The following ITFG1 variants were observed in gnomAD, a reference collection of about 807,000 sequenced individuals.
ITFG1 encodes the protein integrin alpha FG-GAP repeat containing 1, also known as T-cell immunomodulatory protein.
Under a neutral mutation model 81.8 loss-of-function variants are expected in ITFG1, and 34 were observed. The observed-to-expected ratio is 0.42, with a 90% CI of 0.32 to 0.55. The LOEUF (loss-of-function observed/expected upper bound fraction) is 0.55, where lower values mean the gene tolerates loss of function less well. ITFG1 is among the 20% of genes least tolerant of loss of function. The pLI is 0.17. For missense variants in ITFG1, 672 were observed against 755.4 expected (o/e 0.89, Z 1.29); for synonymous variants, 285 against 270.6 (o/e 1.05, Z -0.52).
chr16:47,216,390 A>G (rs1965625294), intron 14 of ITFG1, among the ~76,000 whole-genome samples: 1 of 152,288 alleles, frequency 6.6e-6, no homozygotes, highest in South Asian at 2.1e-4. Context: ...CAGTAGAGAC[A>G]GCGTTTCACC....
At chr16:47,348,519 A>G (rs906770740) in intron 8 of ITFG1, among the ~76,000 whole-genome samples, 1 of 152,196 alleles carries the variant, frequency 6.6e-6, no homozygotes, top group African/African-American at 2.4e-5. Context: ...AAAAAAGAAT[A>G]AAAAGAAATG....
chr16:47,166,445 C>T (rs2151508387), intron 14 of ITFG1, among the ~76,000 whole-genome samples: 1 of 152,236 alleles, frequency 6.6e-6, no homozygotes, highest in South Asian at 2.1e-4. Flanking sequence ...TAAATAAACA[C>T]ATTTTAGCAT....
chr16:47,286,098 T>A (rs1390065531), intron 10 of ITFG1, among the ~76,000 whole-genome samples: 1 of 152,054 alleles, frequency 6.6e-6, no homozygotes, highest in Non-Finnish European at 1.5e-5. Flanking sequence ...GGGAAGGAGA[T>A]CTGAGATGGA....
At chr16:47,374,643 C>A (rs901232123) in intron 7 of ITFG1, among the ~76,000 whole-genome samples, 1 of 152,060 alleles carries the variant, frequency 6.6e-6, no homozygotes, top group Non-Finnish European at 1.5e-5. Context: ...GTACGGCAGT[C>A]ATAAAAATAT....
At chr16:47,173,303 G>C (rs979328451) in intron 14 of ITFG1, among the ~76,000 whole-genome samples, 5 of 152,038 alleles carry the variant, frequency 3.3e-5, no homozygotes, top group African/African-American at 1.2e-4. Flanking sequence ...CCTATTGTCT[G>C]TCTTCCCCCA....
intron 14 of ITFG1, among the ~76,000 whole-genome samples, chr16:47,210,385 AC>A (rs1280016832): frequency 6.6e-6 from 1 of 152,120 alleles, no homozygotes. Flanking sequence ...TTTTAATTTG[AC>A]AGTGTGAAGA....
intron 10 of ITFG1, among the ~76,000 whole-genome samples, chr16:47,306,780 C>T (rs1304244396): frequency 1.3e-5 from 2 of 151,846 alleles, no homozygotes; most frequent in African/African-American, 4.8e-5. Flanking sequence ...AACAAAAACA[C>T]AGACATGACT....
At chr16:47,259,746 C>A (rs1167681082) in intron 11 of ITFG1, among the ~76,000 whole-genome samples, 1 of 152,040 alleles carries the variant, frequency 6.6e-6, no homozygotes, top group African/African-American at 2.4e-5. Context: ...GAGCGGTAAA[C>A]TGGCATTTCA....
chr16:47,387,932 T>C (rs935051817), intron 6 of ITFG1, among the ~76,000 whole-genome samples: 4 of 148,256 alleles, frequency 2.7e-5, no homozygotes, highest in African/African-American at 1.0e-4. Flanking sequence ...CCACTACAAA[T>C]ATGTTAAAAA....
intron 10 of ITFG1, among the ~76,000 whole-genome samples, chr16:47,293,210 T>A (rs1328356415): frequency 6.9e-6 from 1 of 144,128 alleles, no homozygotes; most frequent in Non-Finnish European, 1.5e-5. Context: ...CATATATAAA[T>A]ATGATATATA....
At position 47,358,646 on chromosome 16, in the gene ITFG1, T is replaced by C. The variant is rs74709422; in HGVS notation, c.802+7142A>G. ...TCTCAGAAGTTCTGGTTTAGGATTA[T>C]AGTTGAAGGTCTTAATATTTCCTAA... On this transcript the variant is annotated intron_variant, in intron 8 of 17. Transcript: ENST00000320640. Among the ~76,000 whole-genome samples, 783 of 152,360 alleles carry C rather than the reference T, an allele frequency of 5.1e-3. 13 individuals are homozygous for C. In the East Asian group the frequency reaches 0.073, roughly 14 times the overall value.
chr16:47,252,422 A>T (rs1047700054), intron 12 of ITFG1, among the ~76,000 whole-genome samples: 5 of 152,254 alleles, frequency 3.3e-5, no homozygotes, highest in African/African-American at 1.2e-4. Context: ...AACAAAGGTG[A>T]AGATACTGTT....
Position 47,321,218 on chromosome 16 carries a change from C to G in ITFG1, c.803-7395G>C, listed in dbSNP as rs183750915. On this transcript the variant is annotated intron_variant, in intron 8 of 17. Transcript: ENST00000320640. ...AGAAGGTTTTAAATAGAATTCAAGG[C>G]TTTTAATATGTGAGACCCAGGGCTG... Among the ~76,000 whole-genome samples, 38 of 152,198 alleles carry G rather than the reference C, an allele frequency of 2.5e-4. No individual in the cohort carries two copies. The East Asian group carries it at 4.3e-3, about 17-fold the overall frequency.
intron 8 of ITFG1, among the ~76,000 whole-genome samples, chr16:47,341,341 G>A (rs918168020): frequency 2.0e-5 from 3 of 149,476 alleles, no homozygotes; most frequent in Non-Finnish European, 4.4e-5. Flanking sequence ...TGGAGGCTGA[G>A]GTGGGATGAT....
intron 6 of ITFG1, among the ~76,000 whole-genome samples, chr16:47,422,078 T>C (rs556551123): frequency 6.6e-5 from 10 of 152,358 alleles, no homozygotes; most frequent in Admixed American, 3.3e-4. Flanking sequence ...CAGTCTATCA[T>C]TGATGGACAT....
chr16:47,174,114 G>A (rs1328374318), intron 14 of ITFG1, among the ~76,000 whole-genome samples: 1 of 152,112 alleles, frequency 6.6e-6, no homozygotes, highest in Non-Finnish European at 1.5e-5. Context: ...TTCTCCATGA[G>A]AATACTACAC....
At chr16:47,418,981 G>A (rs1968907248) in intron 6 of ITFG1, among the ~76,000 whole-genome samples, 1 of 152,142 alleles carries the variant, frequency 6.6e-6, no homozygotes, top group African/African-American at 2.4e-5. Flanking sequence ...ATTGCTTTTG[G>A]AAATATGGTC....
rs537291338 is a variant in ITFG1, at chr16:47,286,352, G to GC, written c.1070+24887dup. Among the ~76,000 whole-genome samples, 464 of 152,142 alleles carry GC rather than the reference G, an allele frequency of 3.0e-3. 3 individuals are homozygous for GC. Among genetic ancestry groups the GC allele is most frequent in the African/African-American group, 0.011 (448 of 41,524 alleles). ...GTGGCCTTCTTTGTTAAAGATAATTGCCAGAGGCTGGGCGCGGTGGCTCAC... is the reference window on the plus strand; with the variant it reads ...GTGGCCTTCTTTGTTAAAGATAATTGCCCAGAGGCTGGGCGCGGTGGCTCAC... On this transcript the variant is annotated intron_variant, in intron 10 of 17. Transcript: ENST00000320640.
intron 2 of ITFG1, among the ~76,000 whole-genome samples, chr16:47,457,101 G>A (rs999742482): frequency 6.6e-6 from 1 of 152,096 alleles, no homozygotes; most frequent in Non-Finnish European, 1.5e-5. Flanking sequence ...CCTGAGGTCG[G>A]GAGCTCGAGA....
Sources: allele counts gnomAD v4.1 joint callset (sites outside exome capture counted in the v4.1 genomes callset), GRCh38; gene constraint gnomAD v4.1.1; transcripts MANE v1.5; gene names NCBI Gene and HGNC (gene_info 2026-07-23, HGNC 2026-07-21).